Variants in LRBA observed in about 807,000 individuals in gnomAD.
LRBA encodes lipopolysaccharide-responsive and beige-like anchor protein.
LRBA carries 176 observed loss-of-function variants against 330.0 expected under a neutral mutation model. That is an observed-to-expected ratio of 0.53 (90% CI 0.47 to 0.60). The LOEUF (loss-of-function observed/expected upper bound fraction) is 0.60. LRBA is among the 20% of genes least tolerant of loss of function. The pLI, the probability that LRBA is intolerant of heterozygous loss-of-function variation, is 0.00. For synonymous variants in LRBA, 1,230 were observed against 1,193.0 expected, an observed-to-expected ratio of 1.03 and a Z score of -0.64; for missense variants, 3,259 against 3,444.8, an observed-to-expected ratio of 0.95 and a Z score of 1.35.
intron 2 of LRBA, among the ~76,000 whole-genome samples, chr4:151,010,740 C>T (rs187467677): frequency 1.3e-4 from 20 of 151,834 alleles, no homozygotes; most frequent in Middle Eastern, 3.4e-3. Context: ...AAAAATTAGC[C>T]GGGCATGGTG....
At chr4:150,796,344 A>G (rs919396646) in intron 34 of LRBA, among the ~76,000 whole-genome samples, 5 of 151,962 alleles carry the variant, frequency 3.3e-5, no homozygotes, top group Non-Finnish European at 7.4e-5. Flanking sequence ...TCACCCCAGA[A>G]CAATCTGTAT....
At chr4:150,368,265 A>C (rs1021483892) in intron 47 of LRBA, among the ~76,000 whole-genome samples, 2 of 152,184 alleles carry the variant, frequency 1.3e-5, no homozygotes, top group Admixed American at 1.3e-4. Context: ...AAATGTTCCC[A>C]TCAGTGGTAC....
At chr4:150,628,598 A>G (rs1777071784) in intron 37 of LRBA, among the ~76,000 whole-genome samples, 1 of 152,224 alleles carries the variant, frequency 6.6e-6, no homozygotes, top group African/African-American at 2.4e-5. Flanking sequence ...ATTATTTCAT[A>G]CATCATTTTA....
chr4:150,926,029 C>T (rs1241576549), intron 4 of LRBA, among the ~76,000 whole-genome samples: 1 of 152,036 alleles, frequency 6.6e-6, no homozygotes, highest in African/African-American at 2.4e-5. Flanking sequence ...ACAGGGAAAC[C>T]AAACAGAACC....
intron 2 of LRBA, among the ~76,000 whole-genome samples, chr4:151,005,572 T>C (rs909754869): frequency 1.5e-5 from 2 of 134,706 alleles, no homozygotes; most frequent in African/African-American, 6.2e-5. Flanking sequence ...TTTTTTTTTT[T>C]GGAGACAGAG....
chr4:150,945,589 C>T (rs547189583), intron 2 of LRBA, among the ~76,000 whole-genome samples: 2 of 152,282 alleles, frequency 1.3e-5, no homozygotes, highest in African/African-American at 4.8e-5. Flanking sequence ...CCCACTTATG[C>T]ACTGCTTCTG....
intron 2 of LRBA, among the ~76,000 whole-genome samples, chr4:150,949,346 T>C (rs1173512203): frequency 1.3e-5 from 2 of 152,062 alleles, no homozygotes; most frequent in Non-Finnish European, 1.5e-5. Context: ...GTTCGTACAG[T>C]CTTCTGGAGA....
intron 33 of LRBA, among the ~76,000 whole-genome samples, chr4:150,804,560 T>C (rs1486296299): frequency 6.6e-6 from 1 of 152,118 alleles, no homozygotes; most frequent in Non-Finnish European, 1.5e-5. Flanking sequence ...CCTCAGACCA[T>C]CTCCTAGCTA....
At chr4:150,915,201 T>C (rs974542116) in intron 8 of LRBA, among the ~76,000 whole-genome samples, 1 of 152,106 alleles carries the variant, frequency 6.6e-6, no homozygotes, top group African/African-American at 2.4e-5. Context: ...AACCTATAGA[T>C]TTATTTTTGA....
In LRBA at chr4:150,915,749, A is replaced by C. The variant is rs745782524; in HGVS notation, c.895-22T>G. 7.0e-6 allele frequency: 11 copies of C among 1,573,104 alleles called. No individual in the cohort carries two copies. In the African/African-American group the frequency reaches 9.6e-5, roughly 14 times the overall value. ...ACCACTGCAGAAGCAAAAAACAGTT[A>C]AAAATACAAAGATAACAATTATCCC... On this transcript the variant is annotated intron_variant, in intron 7 of 56. Transcript: ENST00000651943.
At chr4:150,693,563 CAAAAA>C (rs70941428) in intron 36 of LRBA, among the ~76,000 whole-genome samples, 28 of 52,716 alleles carry the variant, frequency 5.3e-4, no homozygotes, top group East Asian at 4.1e-3. Context: ...GACTCCGTCT[CAAAAA>C]AAAAAAAAAA....
chr4:151,012,187 T>C (rs141182191), intron 2 of LRBA, among the ~76,000 whole-genome samples: 1 of 152,258 alleles, frequency 6.6e-6, no homozygotes, highest in African/African-American at 2.4e-5. Context: ...ATCCTGCAAA[T>C]ACGCAGCTTT....
intron 55 of LRBA, among the ~76,000 whole-genome samples, chr4:150,280,966 A>T (rs754070265): frequency 6.6e-6 from 1 of 152,238 alleles, no homozygotes; most frequent in Non-Finnish European, 1.5e-5. Context: ...CCTAAAATCC[A>T]GTGGGAAATA....
chr4:150,376,296 G>C (rs1011413297), intron 47 of LRBA, among the ~76,000 whole-genome samples: 2 of 152,000 alleles, frequency 1.3e-5, no homozygotes, highest in Non-Finnish European at 2.9e-5. Flanking sequence ...GTTTATCTCA[G>C]AAATAAAATT....
intron 42 of LRBA, among the ~76,000 whole-genome samples, chr4:150,474,359 A>G (rs114040897): frequency 0.016 from 2,478 of 152,306 alleles, 75 homozygotes; most frequent in African/African-American, 0.055. Flanking sequence ...CCACAATTGA[A>G]GACTGAGTAC....
chr4:150,728,681 G>A (rs961690154), intron 36 of LRBA, among the ~76,000 whole-genome samples: 25 of 148,422 alleles, frequency 1.7e-4, no homozygotes, highest in South Asian at 4.2e-4. Flanking sequence ...AAAAAAAAAC[G>A]TGATACAAAT....
chr4:150,622,790 T>G lies in LRBA; in HGVS notation c.5922-23659A>C, dbSNP rs973091117. ...TCGGCTCACTGCAAGCTCCGCCTCC[T>G]GGGTTCAGGCCATTCTCCTGCCTCA... On this transcript the variant is annotated intron_variant, in intron 37 of 56. Coordinates refer to ENST00000651943, the MANE Select transcript of LRBA (RefSeq NM_001364905.1). 1.4e-4 allele frequency among the ~76,000 whole-genome samples: 21 copies of G among 148,090 alleles called. 1 individual carries two copies. Among genetic ancestry groups the G allele is most frequent in the Admixed American group, 3.4e-4 (5 of 14,774 alleles).
At chr4:150,614,286 TG>T (rs1347833505) in intron 37 of LRBA, among the ~76,000 whole-genome samples, 3 of 152,176 alleles carry the variant, frequency 2.0e-5, no homozygotes, top group Non-Finnish European at 2.9e-5. Flanking sequence ...CCTATAGCAA[TG>T]GGGAGATATT....
At chr4:150,472,325 G>A (rs1018174096) in intron 42 of LRBA, among the ~76,000 whole-genome samples, 5 of 151,980 alleles carry the variant, frequency 3.3e-5, no homozygotes, top group Non-Finnish European at 7.4e-5. Flanking sequence ...AATACAAAGA[G>A]TAGTGAGAAA....
Sources: gnomAD v4.1 joint callset for allele counts (sites outside exome capture counted in the v4.1 genomes callset) on GRCh38, gnomAD v4.1.1 for gene constraint, MANE v1.5 for transcripts, NCBI Gene and HGNC (gene_info 2026-07-23, HGNC 2026-07-21) for gene names.